Variants in DLGAP2 observed in about 807,000 individuals in gnomAD.
DLGAP2 encodes disks large-associated protein 2.
Under a neutral mutation model 100.3 loss-of-function variants are expected in DLGAP2, and 26 were observed. The observed-to-expected ratio is 0.26, with a 90% confidence interval of 0.19 to 0.36. The LOEUF is 0.36. Ranked by LOEUF, DLGAP2 falls within the 10% of genes least tolerant of loss-of-function variation. DLGAP2 has a pLI of 1.00. For missense variants in DLGAP2, 1,858 were observed against 1,453.2 expected (o/e 1.28, Z -4.53); for synonymous variants, 886 against 630.1 (o/e 1.41, Z -6.08).
At chr8:1,115,445 A>T (rs1463462030) in intron 2 of DLGAP2, among the ~76,000 whole-genome samples, 2 of 152,198 alleles carry the variant, frequency 1.3e-5, no homozygotes, top group African/African-American at 2.4e-5. Context: ...CATGTTTCTT[A>T]ACCACGGGGA....
chr8:1,194,380 C>A (rs17065773), intron 2 of DLGAP2, among the ~76,000 whole-genome samples: 2 of 151,888 alleles, frequency 1.3e-5, no homozygotes, highest in Non-Finnish European at 1.5e-5. Flanking sequence ...GCGGCCGGCC[C>A]ACATAAGGGC....
At chr8:1,670,656 G>C (rs991684202) in intron 10 of DLGAP2, among the ~76,000 whole-genome samples, 4 of 152,198 alleles carry the variant, frequency 2.6e-5, no homozygotes, top group Admixed American at 2.6e-4. Context: ...AGGAATGTAG[G>C]TGGATGACGA....
intron 4 of DLGAP2, among the ~76,000 whole-genome samples, chr8:1,508,883 G>A (rs926738917): frequency 1.1e-4 from 17 of 151,956 alleles, no homozygotes; most frequent in African/African-American, 4.1e-4. Context: ...TTGTAGTTAA[G>A]GATCTAATAT....
intron 2 of DLGAP2, among the ~76,000 whole-genome samples, chr8:1,253,692 A>G (rs984490923): frequency 1.8e-4 from 28 of 152,176 alleles, no homozygotes; most frequent in African/African-American, 6.0e-4. Flanking sequence ...AAACCATCAG[A>G]CAGATTTCTC....
At chr8:1,030,869 C>G (rs1801951926) in intron 2 of DLGAP2, among the ~76,000 whole-genome samples, 1 of 152,200 alleles carries the variant, frequency 6.6e-6, no homozygotes, top group Non-Finnish European at 1.5e-5. Flanking sequence ...AGAGACAAAA[C>G]ACTTCTCAGA....
chr8:749,889 C>G (rs1017523043), intron 1 of DLGAP2, among the ~76,000 whole-genome samples: 8 of 152,156 alleles, frequency 5.3e-5, no homozygotes, highest in Non-Finnish European at 7.3e-5. Flanking sequence ...TCTGATGGCT[C>G]CAGGCATCCT....
At chr8:1,187,552 C>G (rs1451456554) in intron 2 of DLGAP2, among the ~76,000 whole-genome samples, 1 of 146,738 alleles carries the variant, frequency 6.8e-6, no homozygotes, top group Non-Finnish European at 1.5e-5. Context: ...ACCTCCGTGA[C>G]GTTTGCCTCA....
chr8:1,206,803 C>G (rs567248465), intron 2 of DLGAP2, among the ~76,000 whole-genome samples: 1 of 152,230 alleles, frequency 6.6e-6, no homozygotes, highest in Non-Finnish European at 1.5e-5. Context: ...TCTGCACCTG[C>G]AGGCTAAGGC....
rs528862526 is a variant in DLGAP2 at position 1,031,731 on chromosome 8, T to C, written c.73+123765T>C. 4.6e-5 allele frequency among the ~76,000 whole-genome samples: 7 copies of C among 152,396 alleles called. No individual in the cohort carries two copies. The South Asian group carries it at 1.4e-3, about 32-fold the overall frequency. Reference sequence around the variant, plus strand: ...TAATGACCCCTTTCAAAAAGAGCACTGATGCCGAAGTATGGAAATAGTTTA... The same window carrying C: ...TAATGACCCCTTTCAAAAAGAGCACCGATGCCGAAGTATGGAAATAGTTTA... On this transcript the variant is annotated intron_variant, in intron 2 of 14. Transcript: ENST00000637795.
At chr8:1,382,511 G>C (rs184565825) in intron 3 of DLGAP2, among the ~76,000 whole-genome samples, 1 of 152,218 alleles carries the variant, frequency 6.6e-6, no homozygotes, top group Non-Finnish European at 1.5e-5. Context: ...AGGGGCAGGA[G>C]AATTGCTTGA....
chr8:1,350,260 AT>A (rs1801681584), intron 3 of DLGAP2, among the ~76,000 whole-genome samples: 4 of 24,188 alleles, frequency 1.7e-4, no homozygotes, highest in Non-Finnish European at 2.4e-4. Context: ...GGTCCTGAGC[AT>A]GTGTGGAACG....
At chr8:1,293,954 C>T (rs1029046906) in intron 3 of DLGAP2, among the ~76,000 whole-genome samples, 1 of 152,196 alleles carries the variant, frequency 6.6e-6, no homozygotes, top group African/African-American at 2.4e-5. Flanking sequence ...CTGCGGATAC[C>T]TTGCACCGTA....
At chr8:1,630,653 G>C (rs1337193182) in intron 7 of DLGAP2, among the ~76,000 whole-genome samples, 1 of 150,984 alleles carries the variant, frequency 6.6e-6, no homozygotes, top group Non-Finnish European at 1.5e-5. Context: ...AGTGAGCCGA[G>C]ATCACGCCAC....
At chr8:894,032 C>T (rs1028049490) in intron 1 of DLGAP2, among the ~76,000 whole-genome samples, 1 of 152,248 alleles carries the variant, frequency 6.6e-6, no homozygotes, top group Non-Finnish European at 1.5e-5. Flanking sequence ...CCCTCTTGCT[C>T]TTCCCTTCTG....
intron 8 of DLGAP2, among the ~76,000 whole-genome samples, chr8:1,645,873 G>A (rs931632822): frequency 1.3e-5 from 2 of 152,210 alleles, no homozygotes; most frequent in Non-Finnish European, 2.9e-5. Context: ...AGCATCACAT[G>A]GAAATGAAAG....
intron 2 of DLGAP2, among the ~76,000 whole-genome samples, chr8:1,079,354 C>G (rs1410567100): frequency 1.3e-5 from 2 of 152,134 alleles, no homozygotes; most frequent in Non-Finnish European, 2.9e-5. Flanking sequence ...TTGTCTCAGT[C>G]TATTTTAATA....
chr8:1,226,297 G>C (rs536272570), intron 2 of DLGAP2, among the ~76,000 whole-genome samples: 1 of 152,262 alleles, frequency 6.6e-6, no homozygotes, highest in East Asian at 1.9e-4. Context: ...GCCATGAAAA[G>C]GAATGGGACC....
At chr8:1,590,493 C>T (rs1367327818) in intron 6 of DLGAP2, among the ~76,000 whole-genome samples, 1 of 152,156 alleles carries the variant, frequency 6.6e-6, no homozygotes, top group African/African-American at 2.4e-5. Context: ...CTGCTGACTA[C>T]TGGAAGGGAA....
In DLGAP2 at chr8:1,698,216, G is replaced by A. The variant is rs927649989; in HGVS notation, c.2949+917G>A. Among the ~76,000 whole-genome samples, 16 of 152,228 alleles carry A rather than the reference G, an allele frequency of 1.1e-4. 1 individual carries two copies. Among genetic ancestry groups the A allele is most frequent in the Admixed American group, 8.5e-4 (13 of 15,276 alleles). On this transcript the variant is annotated intron_variant, in intron 14 of 14. Coordinates refer to ENST00000637795, the MANE Select transcript of DLGAP2 (RefSeq NM_001346810.2). ...TTCCCTCTCATCCCAGACGACAGGG[G>A]AGTGAGGTGGGAGTGCACAGGGTCC...
Sources: gnomAD v4.1 joint callset for allele counts (sites outside exome capture counted in the v4.1 genomes callset) on GRCh38, gnomAD v4.1.1 for gene constraint, MANE v1.5 for transcripts, NCBI Gene and HGNC (gene_info 2026-07-23, HGNC 2026-07-21) for gene names.